The following LRRC8E variants were observed in gnomAD, a reference collection of about 807,000 sequenced individuals.
The protein encoded by LRRC8E is leucine rich repeat containing 8 VRAC subunit E.
Under a neutral mutation model 6.1 loss-of-function variants are expected in LRRC8E, and 6 were observed. That is an observed-to-expected ratio of 0.98 (90% CI 0.54 to 1.93). The LOEUF is 1.93. Ranked by LOEUF, LRRC8E falls within the 30% of genes most tolerant of loss-of-function variation. The pLI is 0.01. For missense variants in LRRC8E, 1,028 were observed against 1,031.4 expected (o/e 1.00, Z 0.04); for synonymous variants, 485 against 472.8 (o/e 1.03, Z -0.33).
intron 2 of LRRC8E, among the ~76,000 whole-genome samples, chr19:7,896,225 G>A (rs1004452448): frequency 4.6e-5 from 7 of 151,368 alleles, no homozygotes; most frequent in Non-Finnish European, 7.4e-5. Context: ...CAGGCCTGAG[G>A]CACTGCACCT....
rs772575949 is a variant in LRRC8E at position 7,898,788 on chromosome 19, G to T, written c.266G>T (p.Gly89Val). 1.2e-6 allele frequency: 2 copies of T among 1,614,172 alleles called. No individual in the cohort carries two copies. Among genetic ancestry groups the T allele is most frequent in the East Asian group, 2.2e-5 (1 of 44,892 alleles). Residue 89 changes from glycine (G) to valine (V), a missense_variant, in exon 3 of 3, where the codon GGC becomes GTC. Gly to Val is a moderately radical substitution (Grantham distance 109, BLOSUM62 -3). Transcript: ENST00000306708. ...EQIGALQEVK[G>V]LKNNLDLQQY... ...ATTGGGGCCCTGCAGGAGGTTAAAG[G>T]CCTTAAGAACAATTTGGACCTGCAG...
In LRRC8E at chr19:7,900,975, A is replaced by T; in HGVS notation, c.*62A>T. 8.7e-7 allele frequency: 1 copy of T among 1,144,350 alleles called. No homozygotes were observed. Among genetic ancestry groups the T allele is most frequent in the Non-Finnish European group, 1.2e-6 (1 of 847,532 alleles). 70.9% of individuals were successfully genotyped at this position (1,144,350 alleles called of 1,614,324 possible). ...ATGCTTCTGCCCTGGAATCTCAACC[A>T]TTGTCTTCCAAGATAGGAAGCCAAG... is the stretch of plus-strand genomic sequence containing the variant. On this transcript the variant is annotated 3_prime_UTR_variant, in exon 3 of 3. Transcript: ENST00000306708. This position sits in a 1 kb window ranked among gnomAD's most constrained non-coding sequence, Gnocchi z 5.0.
Position 7,895,369 on chromosome 19 carries a change from G to A in LRRC8E, c.-5-230G>A. Reference sequence around the variant, plus strand: ...GACAAGTCAGATCAGGTGCAGGGGTGCCCAGAGGGGAACAGTGGCCGCTTG... The same window carrying A: ...GACAAGTCAGATCAGGTGCAGGGGTACCCAGAGGGGAACAGTGGCCGCTTG... On this transcript the variant is annotated intron_variant, in intron 1 of 2. Coordinates refer to ENST00000306708, the MANE Select transcript of LRRC8E (RefSeq NM_025061.6). The surrounding 1 kb of genome is among the most constrained non-coding windows in gnomAD (Gnocchi z 4.7). The A allele has an allele frequency of 1.8e-6, 1 of 546,236 alleles. No individual in the cohort carries two copies. 33.8% of individuals were successfully genotyped at this position (546,236 alleles called of 1,614,324 possible). A position where few individuals can be genotyped will look rare whatever the true frequency, so the allele number is the denominator to read the frequency against.
chr19:7,891,278 C>A (rs1188969762), intron 1 of LRRC8E, among the ~76,000 whole-genome samples: 1 of 152,164 alleles, frequency 6.6e-6, no homozygotes, highest in African/African-American at 2.4e-5. Flanking sequence ...TTCTTCGAGC[C>A]CCTGTTCCTG....
rs942945968 is a variant in LRRC8E at position 7,895,457 on chromosome 19, G to A, written c.-5-142G>A. ...TAAGGCCAGGCTAAGAGGGAAGTGG[G>A]GGCACACACTTTGGTGGTTTGGACA... On this transcript the variant is annotated intron_variant, in intron 1 of 2. Coordinates refer to ENST00000306708, the MANE Select transcript of LRRC8E (RefSeq NM_025061.6). This position sits in a 1 kb window ranked among gnomAD's most constrained non-coding sequence, Gnocchi z 4.7. 1.1e-5 allele frequency: 11 copies of A among 978,214 alleles called. No homozygotes were observed. The Admixed American group carries it at 1.8e-4, about 16-fold the overall frequency. The allele number at this position is 978,214 out of a possible 1,614,324, so 60.6% of individuals were successfully genotyped here. A position where few individuals can be genotyped will look rare whatever the true frequency, so the allele number is the denominator to read the frequency against.
In LRRC8E at chr19:7,899,003, T is replaced by C. The variant is rs753912694; in HGVS notation, c.481T>C (p.Trp161Arg). ...SILGKCFDSPWTTRALSEVSG... is the reference protein window; with the variant it reads ...SILGKCFDSPRTTRALSEVSG... Reference sequence around the variant, plus strand: ...CCTGGGCAAGTGTTTCGACTCTCCATGGACCACCAGGGCCCTATCCGAGGT... The same window carrying C: ...CCTGGGCAAGTGTTTCGACTCTCCACGGACCACCAGGGCCCTATCCGAGGT... The change falls in exon 3 of 3, where the codon TGG (tryptophan) becomes CGG (arginine). Residue 161 changes from tryptophan (W) to arginine (R), a missense_variant. Physicochemically the swap from Trp to Arg is moderately radical, Grantham distance 101. Transcript: ENST00000306708. 1.2e-6 allele frequency: 2 copies of C among 1,613,968 alleles called. No homozygotes were observed. The highest frequency in any genetic ancestry group is 1.3e-5 in the African/African-American group (1 of 75,034).
intron 1 of LRRC8E, among the ~76,000 whole-genome samples, chr19:7,891,763 T>C (rs569553026): frequency 1.3e-5 from 2 of 151,616 alleles, no homozygotes; most frequent in African/African-American, 4.9e-5. Flanking sequence ...TCCACCACCA[T>C]GCCTGGCTAA....
chr19:7,900,187 C>A lies in LRRC8E; in HGVS notation c.1665C>A (p.Asp555Glu). 6.2e-7 allele frequency: 1 copy of A among 1,612,990 alleles called. No individual in the cohort carries two copies. Among genetic ancestry groups the A allele is most frequent in the Non-Finnish European group, 8.5e-7 (1 of 1,179,858 alleles). Residue 555 changes from aspartate (D) to glutamate (E), a missense_variant, in exon 3 of 3, where the codon GAC becomes GAA. Coordinates refer to ENST00000306708, the MANE Select transcript of LRRC8E (RefSeq NM_025061.6). The surrounding 1 kb of genome is among the most constrained non-coding windows in gnomAD (Gnocchi z 5.0). ...NAGKVPASVT[D>E]VAGHLQRLSL... The stretch of plus-strand genomic sequence containing the variant: ...GGAAGGTGCCAGCCAGTGTGACCGA[C>A]GTTGCTGGCCACCTGCAGAGGCTCA...
rs1981517148 is a variant in LRRC8E at position 7,895,256 on chromosome 19, G to C, written c.-5-343G>C. ...AGGCCTTGGTGTCAGGGGTGGGAGAGGGATGCCTCGTTTTGGGGAGGGGGC... is the reference window on the plus strand; with the variant it reads ...AGGCCTTGGTGTCAGGGGTGGGAGACGGATGCCTCGTTTTGGGGAGGGGGC... On this transcript the variant is annotated intron_variant, in intron 1 of 2. Coordinates refer to ENST00000306708, the MANE Select transcript of LRRC8E (RefSeq NM_025061.6). The surrounding 1 kb of genome is among the most constrained non-coding windows in gnomAD (Gnocchi z 4.7). The C allele has an allele frequency of 4.3e-6, 1 of 233,946 alleles. No homozygotes were observed. The highest frequency in any genetic ancestry group is 8.7e-6 in the Non-Finnish European group (1 of 115,056). 14.5% of individuals were successfully genotyped at this position (233,946 alleles called of 1,614,324 possible).
intron 1 of LRRC8E, among the ~76,000 whole-genome samples, chr19:7,889,215 G>A (rs1350024451): frequency 1.3e-5 from 2 of 152,120 alleles, no homozygotes; most frequent in Non-Finnish European, 2.9e-5. Flanking sequence ...ACTTTGGGAG[G>A]CCGAGGTGGG....
intron 1 of LRRC8E, among the ~76,000 whole-genome samples, chr19:7,892,580 C>T (rs1020225034): frequency 6.6e-6 from 1 of 152,136 alleles, no homozygotes; most frequent in East Asian, 1.9e-4. Flanking sequence ...AATGGATGGC[C>T]GGAACCAAAA....
In LRRC8E at chr19:7,900,377, T is replaced by C; in HGVS notation, c.1855T>C (p.Ser619Pro). The stretch of plus-strand genomic sequence containing the variant: ...TGACCTCAAGGACAACCACCTGCGC[T>C]CCATCGAGGAAATCCTCAGCTTCCA... ...ELDLKDNHLRSIEEILSFQHC... is the reference protein window; with the variant it reads ...ELDLKDNHLRPIEEILSFQHC... The change falls in exon 3 of 3, where the codon TCC becomes CCC. Residue 619 changes from serine to proline, a missense_variant. Physicochemically the swap from Ser to Pro is moderately conservative, Grantham distance 74. Transcript: ENST00000306708. The surrounding 1 kb of genome is among the most constrained non-coding windows in gnomAD (Gnocchi z 5.0). 6.2e-7 allele frequency: 1 copy of C among 1,612,904 alleles called. No individual in the cohort carries two copies. The highest frequency in any genetic ancestry group is 1.3e-5 in the African/African-American group (1 of 75,038).
Position 7,899,735 on chromosome 19 carries a change from GAGAAGCTTCGAC to G in LRRC8E, c.1221_1232del (p.Arg408_Leu411del), listed in dbSNP as rs1382708704. The G allele has an allele frequency of 4.7e-5, 76 of 1,612,232 alleles. No individual in the cohort carries two copies. The highest frequency in any genetic ancestry group is 6.4e-5 in the Non-Finnish European group (75 of 1,180,002). Reference sequence around the variant, plus strand: ...CAATCTCAACCACGAGTGGACGCCCGAGAAGCTTCGACAGAAGCTGCAGCGCAATGCCGCGGG... The same window carrying G: ...CAATCTCAACCACGAGTGGACGCCCGAGAAGCTGCAGCGCAATGCCGCGGG... On this transcript the variant is annotated inframe_deletion, in exon 3 of 3. Transcript: ENST00000306708.
chr19:7,892,298 T>C (rs896452856), intron 1 of LRRC8E, among the ~76,000 whole-genome samples: 4 of 150,974 alleles, frequency 2.6e-5, no homozygotes, highest in Non-Finnish European at 5.9e-5. Flanking sequence ...GGTCTCAATC[T>C]CCTGACCTCG....
chr19:7,895,573 A>T lies in LRRC8E; in HGVS notation c.-5-26A>T. 6.2e-7 allele frequency: 1 copy of T among 1,601,406 alleles called. No homozygotes were observed. The highest frequency in any genetic ancestry group is 8.5e-7 in the Non-Finnish European group (1 of 1,170,014). On this transcript the variant is annotated intron_variant, in intron 1 of 2. Transcript: ENST00000306708. This position sits in a 1 kb window ranked among gnomAD's most constrained non-coding sequence, Gnocchi z 4.7. ...TCCCATCCTGAGGGTCTCTCTCTAC[A>T]CCCCCCGTCTCGTCCCGTCCCACAG... is the stretch of plus-strand genomic sequence containing the variant.
At chr19:7,898,621 A>C in intron 2 of LRRC8E, 40 bp from the exon 3 acceptor site, 1 of 1,539,150 alleles carries the variant, frequency 6.5e-7, no homozygotes, top group South Asian at 1.2e-5. Context: ...GGCCTCCCAA[A>C]GTGCTAGGAT....
rs1432397368 is a variant in LRRC8E at position 7,895,879 on chromosome 19, T to G, written c.138+138T>G. 5.9e-6 allele frequency: 6 copies of G among 1,012,080 alleles called. No individual in the cohort carries two copies. The highest frequency in any genetic ancestry group is 8.6e-6 in the Non-Finnish European group (6 of 697,742). The allele number at this position is 1,012,080 out of a possible 1,614,324, so 62.7% of individuals were successfully genotyped here. On this transcript the variant is annotated intron_variant, in intron 2 of 2. Coordinates refer to ENST00000306708, the MANE Select transcript of LRRC8E (RefSeq NM_025061.6). This position sits in a 1 kb window ranked among gnomAD's most constrained non-coding sequence, Gnocchi z 4.7. ...CACTCAAAGGCCAATCCAGACCCCT[T>G]ATCTTCCTTACCTCCATAGCCAGGA...
chr19:7,895,511 C>A lies in LRRC8E; in HGVS notation c.-5-88C>A. 6.6e-7 allele frequency: 1 copy of A among 1,522,354 alleles called. No homozygotes were observed. Among genetic ancestry groups the A allele is most frequent in the Non-Finnish European group, 9.0e-7 (1 of 1,111,144 alleles). The allele number at this position is 1,522,354 out of a possible 1,614,324, so 94.3% of individuals were successfully genotyped here. A position where few individuals can be genotyped will look rare whatever the true frequency, so the allele number is the denominator to read the frequency against. On this transcript the variant is annotated intron_variant, in intron 1 of 2. Coordinates refer to ENST00000306708, the MANE Select transcript of LRRC8E (RefSeq NM_025061.6). The surrounding 1 kb of genome is among the most constrained non-coding windows in gnomAD (Gnocchi z 4.7). The stretch of plus-strand genomic sequence containing the variant: ...TTGGGCAGGGAGGGTCACAGGCCTG[C>A]CTGTGTCCGGCTCCTCGGAGGACCC...
At chr19:7,891,738 C>A (rs960776579) in intron 1 of LRRC8E, among the ~76,000 whole-genome samples, 2 of 152,070 alleles carry the variant, frequency 1.3e-5, no homozygotes, top group Non-Finnish European at 2.9e-5. Flanking sequence ...TCCTGAGTAG[C>A]TGGGATTACA....
Sources: allele counts gnomAD v4.1 joint callset (sites outside exome capture counted in the v4.1 genomes callset), GRCh38; gene constraint gnomAD v4.1.1; non-coding constraint Gnocchi (gnomAD v3.1); transcripts MANE v1.5; gene names NCBI Gene and HGNC (gene_info 2026-07-23, HGNC 2026-07-21).